Variants in HSPBAP1 observed in about 807,000 individuals in gnomAD.
The protein encoded by HSPBAP1 is HSPB1 associated protein 1.
A neutral mutation model predicts 45.2 loss-of-function variants in HSPBAP1; 27 were observed. The observed-to-expected ratio is 0.60, with a 90% CI of 0.44 to 0.82. HSPBAP1 has a LOEUF of 0.82. HSPBAP1 is among the 40% of genes least tolerant of loss of function. The probability of loss-of-function intolerance (pLI) is 0.00; values close to 1 mark genes in which losing one functional copy is unlikely to be tolerated. For synonymous variants in HSPBAP1, 204 were observed against 202.7 expected, an observed-to-expected ratio of 1.01 and a Z score of -0.06; for missense variants, 510 against 590.9, an observed-to-expected ratio of 0.86 and a Z score of 1.42.
At chr3:122,770,834 G>GA (rs917739221) in intron 2 of HSPBAP1, among the ~76,000 whole-genome samples, 1 of 152,240 alleles carries the variant, frequency 6.6e-6, no homozygotes, top group African/African-American at 2.4e-5. Flanking sequence ...ATGACTCTGG[G>GA]AAATAGGAGT....
chr3:122,745,813 T>A (rs975490588), intron 6 of HSPBAP1, among the ~76,000 whole-genome samples: 1 of 152,202 alleles, frequency 6.6e-6, no homozygotes, highest in Non-Finnish European at 1.5e-5. Context: ...ACCAGCATGC[T>A]GAGGTTACTA....
At chr3:122,763,004 T>A (rs990916303) in intron 3 of HSPBAP1, among the ~76,000 whole-genome samples, 5 of 152,214 alleles carry the variant, frequency 3.3e-5, no homozygotes, top group Non-Finnish European at 5.9e-5. Flanking sequence ...TCATTTTAGG[T>A]TGGTCAGTTT....
At chr3:122,781,713 A>G (rs546789918) in intron 1 of HSPBAP1, among the ~76,000 whole-genome samples, 7 of 152,242 alleles carry the variant, frequency 4.6e-5, no homozygotes, top group Non-Finnish European at 7.4e-5. Context: ...TATAAGTGAG[A>G]ACTTGTGGTA....
chr3:122,755,169 G>A lies in HSPBAP1; in HGVS notation c.741+91C>T, dbSNP rs1042695413. Reference sequence around the variant, plus strand: ...AGGAAGCCATTCTCATTTGCACTGCGCAGGGAGGGGAAGCACACAGCATAA... The same window carrying A: ...AGGAAGCCATTCTCATTTGCACTGCACAGGGAGGGGAAGCACACAGCATAA... On this transcript the variant is annotated intron_variant, in intron 5 of 7. Coordinates refer to ENST00000306103, the MANE Select transcript of HSPBAP1 (RefSeq NM_024610.6). 9.6e-6 allele frequency: 12 copies of A among 1,255,986 alleles called. No homozygotes were observed. In the African/African-American group the frequency reaches 1.1e-4, roughly 11 times the overall value. 77.8% of individuals were successfully genotyped at this position (1,255,986 alleles called of 1,614,324 possible).
chr3:122,757,775 TAGAG>T (rs1297533302), intron 4 of HSPBAP1, among the ~76,000 whole-genome samples: 1 of 152,258 alleles, frequency 6.6e-6, no homozygotes, highest in African/African-American at 2.4e-5. Flanking sequence ...CTTTATATCA[TAGAG>T]AGAATTCAGG....
intron 1 of HSPBAP1, among the ~76,000 whole-genome samples, chr3:122,778,526 T>TC (rs36092455): frequency 1.8e-4 from 12 of 67,390 alleles, no homozygotes; most frequent in Admixed American, 9.7e-4. Context: ...TTTTTTTATT[T>TC]TTTTTTTTTT....
chr3:122,752,489 T>TA (rs1305143241), intron 6 of HSPBAP1, 102 bp downstream of exon 6: 10 of 652,470 alleles, frequency 1.5e-5, no homozygotes, highest in East Asian at 5.8e-5. Flanking sequence ...AAGCATTGGT[T>TA]AAAAAAAATT....
intron 1 of HSPBAP1, among the ~76,000 whole-genome samples, chr3:122,790,218 C>G (rs1337879969): frequency 2.6e-5 from 4 of 152,118 alleles, no homozygotes; most frequent in Non-Finnish European, 4.4e-5. Flanking sequence ...TTTGTGGTAC[C>G]TTGCTCTATT....
chr3:122,786,530 T>C (rs1935662338), intron 1 of HSPBAP1: 1 of 152,214 alleles, frequency 6.6e-6, no homozygotes, highest in Non-Finnish European at 1.5e-5. Flanking sequence ...ACATGAGTAG[T>C]ATTTTGACAA....
chr3:122,765,979 C>T (rs1339346336), intron 3 of HSPBAP1, among the ~76,000 whole-genome samples: 1 of 152,160 alleles, frequency 6.6e-6, no homozygotes, highest in Non-Finnish European at 1.5e-5. Context: ...AATACTCCTC[C>T]CTTTTTCAGT....
At chr3:122,781,036 T>C (rs1935446493) in intron 1 of HSPBAP1, among the ~76,000 whole-genome samples, 1 of 144,042 alleles carries the variant, frequency 6.9e-6, no homozygotes, top group Admixed American at 6.9e-5. Context: ...CTAGATGGGA[T>C]GGCGGCCGGG....
intron 6 of HSPBAP1, among the ~76,000 whole-genome samples, chr3:122,750,105 G>GGT (rs1178771535): frequency 8.6e-5 from 13 of 151,116 alleles, no homozygotes; most frequent in African/African-American, 9.7e-5. Context: ...CTCCCGAATA[G>GGT]CCGGGATTAC....
chr3:122,771,428 C>A (rs901207125), intron 2 of HSPBAP1, among the ~76,000 whole-genome samples: 5 of 152,178 alleles, frequency 3.3e-5, no homozygotes, highest in Non-Finnish European at 7.3e-5. Context: ...AGGTAAGAAG[C>A]TCAACTGAGG....
At chr3:122,790,035 G>A (rs748573137) in intron 1 of HSPBAP1, among the ~76,000 whole-genome samples, 3 of 151,798 alleles carry the variant, frequency 2.0e-5, no homozygotes, top group Non-Finnish European at 2.9e-5. Context: ...GTTTATTTTC[G>A]TATTTTCCGT....
At chr3:122,775,247 C>T (rs181389468) in intron 2 of HSPBAP1, among the ~76,000 whole-genome samples, 1 of 152,124 alleles carries the variant, frequency 6.6e-6, no homozygotes, top group South Asian at 2.1e-4. Flanking sequence ...AAGTCATATA[C>T]TTAATAAGGG....
chr3:122,740,177 G>A lies in HSPBAP1; in HGVS notation c.*168C>T. 1 of 421,526 alleles carries A rather than the reference G, an allele frequency of 2.4e-6. No individual in the cohort carries two copies. 26.1% of individuals were successfully genotyped at this position (421,526 alleles called of 1,614,324 possible). ...AAAGAGCAGCCAGTTTGGCCAAAGA[G>A]GAATGTGCATGAAAGAAGGTGGCAA... is the stretch of plus-strand genomic sequence containing the variant. On this transcript the variant is annotated 3_prime_UTR_variant, in exon 8 of 8. Transcript: ENST00000306103.
intron 4 of HSPBAP1, 120 bp from the exon 5 acceptor site, chr3:122,755,551 T>C (rs1397304019): frequency 1.5e-5 from 10 of 686,382 alleles, no homozygotes; most frequent in African/African-American, 9.4e-5. Flanking sequence ...TAAGGGAATA[T>C]AGGCACCATC....
intron 3 of HSPBAP1, among the ~76,000 whole-genome samples, chr3:122,766,520 A>G (rs1022528716): frequency 6.6e-6 from 1 of 152,270 alleles, no homozygotes; most frequent in African/African-American, 2.4e-5. Context: ...TCAGAATTCC[A>G]GCACATTGCC....
At chr3:122,792,227 G>A (rs981170709) in intron 1 of HSPBAP1, among the ~76,000 whole-genome samples, 3 of 152,108 alleles carry the variant, frequency 2.0e-5, no homozygotes, top group Admixed American at 6.5e-5. Flanking sequence ...CACTTTATAC[G>A]GTCATCAGTT....
Sources: allele counts gnomAD v4.1 joint callset (sites outside exome capture counted in the v4.1 genomes callset), GRCh38; gene constraint gnomAD v4.1.1; transcripts MANE v1.5; gene names NCBI Gene and HGNC (gene_info 2026-07-23, HGNC 2026-07-21).